Variants in EXD3 observed in about 807,000 individuals in gnomAD.
EXD3 encodes the protein exonuclease 3'-5' domain containing 3, also known as exonuclease mut-7 homolog.
A neutral mutation model predicts 98.0 loss-of-function variants in EXD3; 92 were observed. That is an observed-to-expected ratio of 0.94 (90% CI 0.79 to 1.12). The LOEUF (loss-of-function observed/expected upper bound fraction) is 1.12. Ranked by LOEUF, EXD3 falls within the 50% of genes most tolerant of loss-of-function variation. The pLI, the probability that EXD3 is intolerant of heterozygous loss-of-function variation, is 0.00. For missense variants in EXD3, 1,222 were observed against 1,191.6 expected (o/e 1.03, Z -0.38); for synonymous variants, 569 against 526.0 (o/e 1.08, Z -1.12).
At chr9:137,343,604 T>TTTTTTC (rs1833764900) in intron 17 of EXD3, 1 of 130,936 alleles carries the variant, frequency 7.6e-6, no homozygotes, top group South Asian at 2.7e-4. Context: ...TTTTTTTTTT[T>TTTTTTC]TTGAGACGGA....
chr9:137,350,418 T>G (rs1003512587), intron 14 of EXD3, among the ~76,000 whole-genome samples: 11 of 34,854 alleles, frequency 3.2e-4, no homozygotes, highest in Admixed American at 8.4e-4. Flanking sequence ...TAGAGAGGGG[T>G]GGGGATCACG....
chr9:137,320,149 C>T (rs1831953517), intron 19 of EXD3, among the ~76,000 whole-genome samples: 1 of 151,928 alleles, frequency 6.6e-6, no homozygotes. Flanking sequence ...GGGATGTGCA[C>T]ACAGAGACGC....
rs1303179160 is a variant in EXD3 at position 137,324,705 on chromosome 9, GT to G, written c.1999-563del. ...AAAATTAAAATTAAGGATTTTTTTT[GT>G]TTTTTAGACGGAGTCTCGCTCTTTC... On this transcript the variant is annotated intron_variant, in intron 17 of 21. Transcript: ENST00000340951. The surrounding 1 kb of genome is among the most constrained non-coding windows in gnomAD (Gnocchi z 4.1). Among the ~76,000 whole-genome samples, 1 of 151,730 alleles carries G rather than the reference GT, an allele frequency of 6.6e-6. No homozygotes were observed. The highest frequency in any genetic ancestry group is 1.5e-5 in the Non-Finnish European group (1 of 67,900).
At chr9:137,312,849 G>C (rs900183478) in intron 19 of EXD3, among the ~76,000 whole-genome samples, 2 of 152,118 alleles carry the variant, frequency 1.3e-5, no homozygotes, top group Admixed American at 6.5e-5. Flanking sequence ...AGGGGCCAGC[G>C]CTGGGCTGCA....
At chr9:137,408,864 G>A (rs1219845205) in intron 1 of EXD3, among the ~76,000 whole-genome samples, 1 of 152,228 alleles carries the variant, frequency 6.6e-6, no homozygotes, top group Non-Finnish European at 1.5e-5. Flanking sequence ...CTCACCATCA[G>A]GCTGGGTCAG....
At chr9:137,366,033 C>T (rs186151979) in intron 7 of EXD3, 1 of 639,776 alleles carries the variant, frequency 1.6e-6, no homozygotes, top group African/African-American at 1.8e-5. Flanking sequence ...CATACATGCA[C>T]ACACATGCAC....
At chr9:137,329,937 G>C (rs1202486718) in intron 17 of EXD3, among the ~76,000 whole-genome samples, 1 of 103,252 alleles carries the variant, frequency 9.7e-6, no homozygotes, top group Non-Finnish European at 1.9e-5. Flanking sequence ...GGACTACACA[G>C]GACTATGCAG....
chr9:137,358,072 C>A, intron 7 of EXD3, among the ~76,000 whole-genome samples: 1 of 152,118 alleles, frequency 6.6e-6, no homozygotes, highest in East Asian at 1.9e-4. Context: ...TTGGCAACAC[C>A]CTCACAGACA....
chr9:137,416,260 C>T (rs1400066548), intron 1 of EXD3, among the ~76,000 whole-genome samples: 2 of 152,202 alleles, frequency 1.3e-5, no homozygotes, highest in African/African-American at 4.8e-5. Context: ...GAGGGCACTG[C>T]ACGTCTCAGT....
intron 1 of EXD3, among the ~76,000 whole-genome samples, chr9:137,411,336 G>C (rs893898525): frequency 2.6e-5 from 4 of 152,142 alleles, no homozygotes; most frequent in Non-Finnish European, 4.4e-5. Flanking sequence ...TGGGCATGGG[G>C]CTTGCTCCGG....
rs527824698 is a variant in EXD3 at position 137,380,865 on chromosome 9, C to T, written c.120+2448G>A. On this transcript the variant is annotated intron_variant, in intron 3 of 21. Coordinates refer to ENST00000340951, the MANE Select transcript of EXD3 (RefSeq NM_017820.5). The stretch of plus-strand genomic sequence containing the variant: ...TTACAACAGGACCATCTTGGGAAGC[C>T]GAGGCAGGTGGATTGCTTGAGGTCA... Among the ~76,000 whole-genome samples the T allele has an allele frequency of 1.4e-4, 21 of 150,232 alleles. No homozygotes were observed. The East Asian group carries it at 3.4e-3, about 24-fold the overall frequency.
intron 20 of EXD3, among the ~76,000 whole-genome samples, chr9:137,308,122 C>G (rs892869686): frequency 6.6e-6 from 1 of 151,992 alleles, no homozygotes; most frequent in Non-Finnish European, 1.5e-5. Context: ...TGTGAGGCCC[C>G]GAGCCCCCAT....
intron 19 of EXD3, among the ~76,000 whole-genome samples, chr9:137,320,942 C>T (rs117090694): frequency 8.5e-5 from 13 of 152,350 alleles, no homozygotes; most frequent in South Asian, 4.1e-4. Flanking sequence ...GCAGCGGACG[C>T]GGTTCCTGCC....
At chr9:137,420,747 C>CA (rs558094199) in intron 1 of EXD3, among the ~76,000 whole-genome samples, 6 of 147,534 alleles carry the variant, frequency 4.1e-5, no homozygotes, top group South Asian at 2.3e-4. Flanking sequence ...ACCCCCCCCC[C>CA]CAAATTCATA....
chr9:137,318,806 G>A (rs1459366577), intron 19 of EXD3, among the ~76,000 whole-genome samples: 2 of 152,296 alleles, frequency 1.3e-5, no homozygotes, highest in East Asian at 3.9e-4. Flanking sequence ...GAGTCCCACC[G>A]CCTGGGGTCT....
chr9:137,315,583 C>G (rs1202684821), intron 19 of EXD3, among the ~76,000 whole-genome samples: 1 of 152,168 alleles, frequency 6.6e-6, no homozygotes, highest in Non-Finnish European at 1.5e-5. Context: ...GGCACCGGGT[C>G]TCCCACTCAC....
intron 19 of EXD3, among the ~76,000 whole-genome samples, chr9:137,319,336 C>A (rs1214344507): frequency 6.6e-6 from 1 of 152,228 alleles, no homozygotes; most frequent in Non-Finnish European, 1.5e-5. Flanking sequence ...GGTCCCGGGG[C>A]CCGGCCTCCA....
intron 7 of EXD3, among the ~76,000 whole-genome samples, chr9:137,362,971 C>T (rs1445492693): frequency 8.6e-5 from 13 of 151,564 alleles, no homozygotes; most frequent in African/African-American, 2.4e-4. Context: ...CCACCACACC[C>T]GGCTAATTTT....
chr9:137,397,031 G>A (rs924861923), intron 1 of EXD3, among the ~76,000 whole-genome samples: 16 of 152,214 alleles, frequency 1.1e-4, no homozygotes, highest in African/African-American at 1.9e-4. Context: ...GTGAGTGTGT[G>A]GGCAGGAGGA....
Sources: gnomAD v4.1 joint callset for allele counts (sites outside exome capture counted in the v4.1 genomes callset) on GRCh38, gnomAD v4.1.1 for gene constraint, Gnocchi (gnomAD v3.1) non-coding constraint, MANE v1.5 for transcripts, NCBI Gene and HGNC (gene_info 2026-07-23, HGNC 2026-07-21) for gene names.